Variants in B4GALT6 observed in about 807,000 individuals in gnomAD.
The protein encoded by B4GALT6 is beta-1,4-galactosyltransferase 6.
A neutral mutation model predicts 46.3 loss-of-function variants in B4GALT6; 14 were observed. The observed-to-expected ratio is 0.30, with a 90% CI of 0.20 to 0.47. The LOEUF (loss-of-function observed/expected upper bound fraction) is 0.47. Ranked by LOEUF, B4GALT6 falls within the 20% of genes least tolerant of loss-of-function variation. The pLI is 0.99. For missense variants in B4GALT6, 386 were observed against 480.1 expected (o/e 0.80, Z 1.83); for synonymous variants, 168 against 162.0 (o/e 1.04, Z -0.28).
intron 4 of B4GALT6, among the ~76,000 whole-genome samples, chr18:31,640,506 A>G (rs1381457072): frequency 6.6e-6 from 1 of 152,192 alleles, no homozygotes; most frequent in East Asian, 1.9e-4. Context: ...CTTAATGCTG[A>G]TGGGATAGCA....
chr18:31,721,317 C>A, the B4GALT6 span, among the ~76,000 whole-genome samples: 1 of 152,148 alleles, frequency 6.6e-6, no homozygotes, highest in Non-Finnish European at 1.5e-5. Context: ...CACATGTACC[C>A]TAGAACTTAA....
the B4GALT6 span, among the ~76,000 whole-genome samples, chr18:31,700,642 G>C: frequency 6.6e-6 from 1 of 151,996 alleles, no homozygotes; most frequent in South Asian, 2.1e-4. Context: ...ATTTTTAATA[G>C]AGATGGGGTT....
chr18:31,635,160 G>A (rs962815445), intron 5 of B4GALT6, among the ~76,000 whole-genome samples: 8 of 152,016 alleles, frequency 5.3e-5, no homozygotes, highest in African/African-American at 1.9e-4. Flanking sequence ...GAACCCAGGA[G>A]GCAGAGGTTG....
At chr18:31,637,685 G>A (rs988121786) in intron 5 of B4GALT6, among the ~76,000 whole-genome samples, 10 of 152,052 alleles carry the variant, frequency 6.6e-5, no homozygotes, top group East Asian at 5.8e-4. Context: ...ATCCTCAATC[G>A]AGAATTAACT....
At chr18:31,708,659 G>T in the B4GALT6 span, among the ~76,000 whole-genome samples, 3 of 152,026 alleles carry the variant, frequency 2.0e-5, no homozygotes, top group African/African-American at 7.2e-5. Context: ...GCTGGAAGGG[G>T]AAATTATATT....
At position 31,641,723 on chromosome 18, in the gene B4GALT6, A is replaced by G. The variant is rs138179128; in HGVS notation, c.472-2963T>C. On this transcript the variant is annotated intron_variant, in intron 4 of 8. Coordinates refer to ENST00000306851, the MANE Select transcript of B4GALT6 (RefSeq NM_004775.5). ...ACTTCATCCTCCTGAATCTCTCCTC[A>G]CCACCTCTTGATCAAGCAAAATTAT... 2.5e-3 allele frequency among the ~76,000 whole-genome samples: 388 copies of G among 152,238 alleles called. 3 individuals are homozygous for G. Among genetic ancestry groups the G allele is most frequent in the African/African-American group, 8.9e-3 (369 of 41,524 alleles).
At chr18:31,666,855 T>C (rs575687913) in intron 1 of B4GALT6, among the ~76,000 whole-genome samples, 6 of 152,170 alleles carry the variant, frequency 3.9e-5, no homozygotes, top group Non-Finnish European at 8.8e-5. Flanking sequence ...ATTCTTGATG[T>C]GTTTGCGGGG....
intron 2 of B4GALT6, chr18:31,658,342 CAACCATGT>C: frequency 3.4e-6 from 1 of 298,254 alleles, no homozygotes; most frequent in Non-Finnish European, 6.3e-6. Context: ...GTCCCACTTG[CAACCATGT>C]GAGAACACCT....
the B4GALT6 span, among the ~76,000 whole-genome samples, chr18:31,705,635 G>A: frequency 2.0e-5 from 3 of 152,162 alleles, no homozygotes; most frequent in Non-Finnish European, 4.4e-5. Context: ...TGATCCATCC[G>A]CCTTGGCCTC....
chr18:31,712,246 T>C, the B4GALT6 span, among the ~76,000 whole-genome samples: 2 of 151,484 alleles, frequency 1.3e-5, no homozygotes, highest in Non-Finnish European at 2.9e-5. Flanking sequence ...TCTGCAGTAG[T>C]TCGGAGTTGC....
Position 31,625,717 on chromosome 18 carries a change from C to A in B4GALT6, c.1046G>T (p.Gly349Val). ...RYSKERQYIDGLNNLIYRPKI... is the reference protein window; with the variant it reads ...RYSKERQYIDVLNNLIYRPKI... The stretch of plus-strand genomic sequence containing the variant: ...TGGCCTATATATTAAATTGTTCAGT[C>A]CATCGATGTACTGACGCTCCTTGGA... Residue 349 changes from glycine to valine, a missense_variant, in exon 9 of 9, where the codon GGA (glycine) becomes GTA (valine). Transcript: ENST00000306851. The A allele has an allele frequency of 6.2e-7, 1 of 1,612,446 alleles. No homozygotes were observed. The highest frequency in any genetic ancestry group is 8.5e-7 in the Non-Finnish European group (1 of 1,179,258).
intron 1 of B4GALT6, among the ~76,000 whole-genome samples, chr18:31,671,847 A>G (rs1376782710): frequency 1.3e-5 from 2 of 152,232 alleles, no homozygotes; most frequent in Non-Finnish European, 2.9e-5. Context: ...CTGCATTGTG[A>G]GACATAAATC....
At chr18:31,684,770 A>G, upstream of B4GALT6, 1 of 1,073,924 alleles carries the variant, frequency 9.3e-7, no homozygotes, top group Non-Finnish European at 1.1e-6. Flanking sequence ...CGGCGGGAGG[A>G]GGGGCTGCAG....
intron 3 of B4GALT6, among the ~76,000 whole-genome samples, chr18:31,654,511 C>A (rs1443804425): frequency 1.3e-5 from 2 of 152,156 alleles, no homozygotes; most frequent in Non-Finnish European, 2.9e-5. Flanking sequence ...GTGTAATTGG[C>A]CACTATTGAA....
chr18:31,633,686 C>T (rs1420078711), intron 5 of B4GALT6, among the ~76,000 whole-genome samples: 1 of 152,192 alleles, frequency 6.6e-6, no homozygotes, highest in Non-Finnish European at 1.5e-5. Context: ...TGCTCAAACA[C>T]ACCAAGTATT....
chr18:31,701,562 A>T, the B4GALT6 span, among the ~76,000 whole-genome samples: 3 of 152,208 alleles, frequency 2.0e-5, no homozygotes. Flanking sequence ...GAGAAGGAAC[A>T]ATGCTAACAT....
At chr18:31,712,565 C>T in the B4GALT6 span, among the ~76,000 whole-genome samples, 6 of 152,256 alleles carry the variant, frequency 3.9e-5, no homozygotes, top group East Asian at 9.7e-4. Flanking sequence ...ATCCACCTGC[C>T]TCAGCCTCCC....
rs548361185 is a variant in B4GALT6 at position 31,626,774 on chromosome 18, C to T, written c.899+225G>A. 1.4e-4 allele frequency among the ~76,000 whole-genome samples: 21 copies of T among 152,066 alleles called. No homozygotes were observed. In the East Asian group the frequency reaches 3.7e-3, roughly 27 times the overall value. On this transcript the variant is annotated intron_variant, in intron 7 of 8. Coordinates refer to ENST00000306851, the MANE Select transcript of B4GALT6 (RefSeq NM_004775.5). ...AAAAATTATCTTCCAGGAGACTGGTCCCTGGTGCCAAAAAAGTTGGGGACC... is the reference window on the plus strand; with the variant it reads ...AAAAATTATCTTCCAGGAGACTGGTTCCTGGTGCCAAAAAAGTTGGGGACC...
chr18:31,657,815 AAAAT>A (rs1385503200), intron 3 of B4GALT6, among the ~76,000 whole-genome samples, 157 bp downstream of exon 3: 1 of 152,194 alleles, frequency 6.6e-6, no homozygotes, highest in Non-Finnish European at 1.5e-5. Context: ...GCTTTGCCAA[AAAAT>A]AAATAAATAA....
Sources: allele counts gnomAD v4.1 joint callset (sites outside exome capture counted in the v4.1 genomes callset), GRCh38; gene constraint gnomAD v4.1.1; transcripts MANE v1.5; gene names NCBI Gene and HGNC (gene_info 2026-07-23, HGNC 2026-07-21).